PPP1R17: variants seen among roughly 807,000 people sequenced by gnomAD.
PPP1R17 encodes the protein G-substrate.
In PPP1R17, 12 loss-of-function variants were observed where a neutral mutation model predicts 15.9. The ratio of observed to expected loss-of-function variants is 0.75; its 90% CI spans 0.48 to 1.22. The LOEUF (loss-of-function observed/expected upper bound fraction) is 1.22, where lower values mean the gene tolerates loss of function less well. Ranked by LOEUF, PPP1R17 falls within the 50% of genes most tolerant of loss-of-function variation. The pLI, the probability that PPP1R17 is intolerant of heterozygous loss-of-function variation, is 0.00. For missense variants in PPP1R17, 211 were observed against 187.3 expected, an observed-to-expected ratio of 1.13 and a Z score of -0.74; for synonymous variants, 63 against 64.5, an observed-to-expected ratio of 0.98 and a Z score of 0.11.
At chr7:31,692,083 A>G (rs1792379039) in intron 1 of PPP1R17, among the ~76,000 whole-genome samples, 1 of 152,214 alleles carries the variant, frequency 6.6e-6, no homozygotes, top group Non-Finnish European at 1.5e-5. Context: ...TGTGACTCTC[A>G]GCTAATTCAC....
At chr7:31,690,079 C>T (rs549022866) in intron 1 of PPP1R17, among the ~76,000 whole-genome samples, 4 of 152,312 alleles carry the variant, frequency 2.6e-5, no homozygotes, top group South Asian at 4.1e-4. Flanking sequence ...TTCAATTCAT[C>T]GGCCAGAGAC....
At chr7:31,691,864 T>C (rs2128238690) in intron 1 of PPP1R17, among the ~76,000 whole-genome samples, 1 of 148,696 alleles carries the variant, frequency 6.7e-6, no homozygotes, top group East Asian at 2.0e-4. Context: ...TCAATTCGGG[T>C]TCAAAGGATT....
At chr7:31,706,153 C>T (rs746498972) in intron 4 of PPP1R17, among the ~76,000 whole-genome samples, 1 of 151,236 alleles carries the variant, frequency 6.6e-6, no homozygotes, top group African/African-American at 2.4e-5. Flanking sequence ...TACAGGTGCC[C>T]GCCACCATGC....
intron 3 of PPP1R17, chr7:31,695,841 T>A (rs973542092): frequency 2.1e-5 from 8 of 372,754 alleles, no homozygotes; most frequent in Non-Finnish European, 3.3e-5. Flanking sequence ...TTTTTTTACC[T>A]ACCAATAGTG....
At position 31,704,649 on chromosome 7, in the gene PPP1R17, G is replaced by A. The variant is rs111289716; in HGVS notation, c.389-2555G>A. On this transcript the variant is annotated intron_variant, in intron 4 of 4. Coordinates refer to ENST00000342032, the MANE Select transcript of PPP1R17 (RefSeq NM_006658.5). ...ACAGAGGTTCATGTAGGTTGTGGCT[G>A]CAGCCACAATGTAGGCCTAAGTCTA... is the stretch of plus-strand genomic sequence containing the variant. Among the ~76,000 whole-genome samples, 772 of 152,318 alleles carry A rather than the reference G, an allele frequency of 5.1e-3. 6 individuals are homozygous for A. Among genetic ancestry groups the A allele is most frequent in the African/African-American group, 0.018 (740 of 41,570 alleles).
At chr7:31,704,855 G>A (rs912012313) in intron 4 of PPP1R17, among the ~76,000 whole-genome samples, 1 of 152,084 alleles carries the variant, frequency 6.6e-6, no homozygotes, top group Non-Finnish European at 1.5e-5. Context: ...TCCCCTGAAA[G>A]CATGAGGGTC....
intron 2 of PPP1R17, among the ~76,000 whole-genome samples, chr7:31,693,052 T>C (rs984203913): frequency 3.9e-5 from 6 of 152,218 alleles, no homozygotes; most frequent in African/African-American, 1.4e-4. Context: ...TACCCATTTC[T>C]AAAAATGAGA....
At chr7:31,705,833 C>A (rs1665309487) in intron 4 of PPP1R17, among the ~76,000 whole-genome samples, 1 of 152,044 alleles carries the variant, frequency 6.6e-6, no homozygotes, top group Non-Finnish European at 1.5e-5. Context: ...GAGGACTGGC[C>A]TTCCATCGCA....
intron 4 of PPP1R17, among the ~76,000 whole-genome samples, chr7:31,705,008 G>T (rs1793007229): frequency 6.6e-6 from 1 of 152,122 alleles, no homozygotes; most frequent in Admixed American, 6.6e-5. Context: ...ATGAAATCAA[G>T]ATTTCTATGA....
chr7:31,707,589 A>T lies in PPP1R17; in HGVS notation c.*306A>T, dbSNP rs1793127652. On this transcript the variant is annotated 3_prime_UTR_variant, in exon 5 of 5. Coordinates refer to ENST00000342032, the MANE Select transcript of PPP1R17 (RefSeq NM_006658.5). The stretch of plus-strand genomic sequence containing the variant: ...GGGGTTCGGTTTCTGCATCTTCTGG[A>T]TCAATTCACGGAACAGAGATCGTGG... The T allele has an allele frequency of 3.2e-6, 1 of 309,112 alleles. No individual in the cohort carries two copies. The highest frequency in any genetic ancestry group is 6.0e-6 in the Non-Finnish European group (1 of 167,310). 19.1% of individuals were successfully genotyped at this position (309,112 alleles called of 1,614,324 possible).
chr7:31,695,421 C>A (rs1208611354), intron 2 of PPP1R17, 48 bp from the exon 3 acceptor site: 3 of 1,526,760 alleles, frequency 2.0e-6, no homozygotes, highest in South Asian at 1.3e-5. Flanking sequence ...GTGACTGGAT[C>A]CTTAATCATG....
chr7:31,697,052 AC>A lies in PPP1R17; in HGVS notation c.325del (p.Leu109TrpfsTer23). 6.2e-7 allele frequency: 1 copy of A among 1,614,164 alleles called. No individual in the cohort carries two copies. ...GKMIPVLHNTDLEQKKPRRKD... is the reference protein window; with the variant it reads ...GKMIPVLHNTXLEQKKPRRKD... Reference sequence around the variant, plus strand: ...ATGATCCCTGTTCTTCATAACACTGACCTGGAACAGAAAAAGCCAAGGAGAA... The same window carrying A: ...ATGATCCCTGTTCTTCATAACACTGACTGGAACAGAAAAAGCCAAGGAGAA... On this transcript the variant is annotated frameshift_variant, in exon 4 of 5. Coordinates refer to ENST00000342032, the MANE Select transcript of PPP1R17 (RefSeq NM_006658.5). LOFTEE classifies it high-confidence loss of function.
intron 4 of PPP1R17, among the ~76,000 whole-genome samples, chr7:31,698,203 T>C (rs540484458): frequency 6.6e-6 from 1 of 152,250 alleles, no homozygotes; most frequent in South Asian, 2.1e-4. Context: ...TTTCATTTAA[T>C]AAAGAAAAAA....
At chr7:31,705,861 A>G (rs1793045152) in intron 4 of PPP1R17, among the ~76,000 whole-genome samples, 1 of 152,036 alleles carries the variant, frequency 6.6e-6, no homozygotes, top group Non-Finnish European at 1.5e-5. Flanking sequence ...TTGACCTTAC[A>G]TTAAAATGAC....
rs146575634 is a variant in PPP1R17, at chr7:31,695,031, C to T, written c.83-438C>T. Among the ~76,000 whole-genome samples, 41 of 152,174 alleles carry T rather than the reference C, an allele frequency of 2.7e-4. 1 individual carries two copies. The East Asian group carries it at 7.5e-3, about 28-fold the overall frequency. ...GGCAAGTGAGAAATTCACTGAGGAC[C>T]GAGGGAACCTTTCTAAGATCGAGGG... On this transcript the variant is annotated intron_variant, in intron 2 of 4. Coordinates refer to ENST00000342032, the MANE Select transcript of PPP1R17 (RefSeq NM_006658.5).
chr7:31,700,841 G>T (rs1792817519), intron 4 of PPP1R17, among the ~76,000 whole-genome samples: 1 of 152,058 alleles, frequency 6.6e-6, no homozygotes, highest in Non-Finnish European at 1.5e-5. Flanking sequence ...CTGGATAAAG[G>T]CATACATGTT....
intron 4 of PPP1R17, 86 bp downstream of exon 4, chr7:31,697,203 GT>G: frequency 1.3e-6 from 2 of 1,506,512 alleles, no homozygotes; most frequent in Non-Finnish European, 1.8e-6. Flanking sequence ...GGGCCTGGCC[GT>G]TGTCCTGCCC....
Position 31,697,095 on chromosome 7 carries a change from G to T in PPP1R17, c.366G>T (p.Leu122=). 1 of 1,613,974 alleles carries T rather than the reference G, an allele frequency of 6.2e-7. No homozygotes were observed. The highest frequency in any genetic ancestry group is 1.7e-4 in the Middle Eastern group (1 of 6,058). The stretch of plus-strand genomic sequence containing the variant: ...CAAGGAGAAAAGACACACCTGCCCT[G>T]CACATGTCCCCCTTTGCAGCAGGTA... ...KKPRRKDTPA[L]HMSPFAAGVT... is the part of the protein sequence containing the mutation. Residue 122 remains leucine, a synonymous_variant, in exon 4 of 5, where the codon CTG becomes CTT. Coordinates refer to ENST00000342032, the MANE Select transcript of PPP1R17 (RefSeq NM_006658.5).
In PPP1R17 at chr7:31,707,970, A is replaced by AC. The variant is rs1437910147; in HGVS notation, c.*687_*688insC. ...CTTCAAATTTATTTTTGTTTTTAAA[A>AC]ATATTTCTTAAACATGCTGTCCCAA... is the stretch of plus-strand genomic sequence containing the variant. On this transcript the variant is annotated 3_prime_UTR_variant, in exon 5 of 5. Transcript: ENST00000342032. The AC allele has an allele frequency of 6.6e-6, 1 of 152,194 alleles. No homozygotes were observed. The highest frequency in any genetic ancestry group is 2.4e-5 in the African/African-American group (1 of 41,440). The allele number at this position is 152,194 out of a possible 1,614,324, so 9.4% of individuals were successfully genotyped here. A position where few individuals can be genotyped will look rare whatever the true frequency, so the allele number is the denominator to read the frequency against.
Sources: gnomAD v4.1 joint callset for allele counts (sites outside exome capture counted in the v4.1 genomes callset) on GRCh38, gnomAD v4.1.1 for gene constraint, MANE v1.5 for transcripts, NCBI Gene and HGNC (gene_info 2026-07-23, HGNC 2026-07-21) for gene names.